Variants in GPATCH2 observed in about 807,000 individuals in gnomAD.
The protein encoded by GPATCH2 is G-patch domain containing 2.
GPATCH2 carries 51 observed loss-of-function variants against 58.0 expected under a neutral mutation model. The observed-to-expected ratio is 0.88, with a 90% confidence interval of 0.70 to 1.11. The LOEUF (loss-of-function observed/expected upper bound fraction) is 1.11, where lower values mean the gene tolerates loss of function less well. Ranked by LOEUF, GPATCH2 falls within the 50% of genes most tolerant of loss-of-function variation. GPATCH2 has a pLI of 0.00. For synonymous variants in GPATCH2, 222 were observed against 218.5 expected, an observed-to-expected ratio of 1.02 and a Z score of -0.14; for missense variants, 625 against 652.2, an observed-to-expected ratio of 0.96 and a Z score of 0.45.
chr1:217,579,435 T>C (rs992047607), intron 5 of GPATCH2, among the ~76,000 whole-genome samples: 2 of 152,012 alleles, frequency 1.3e-5, no homozygotes, highest in African/African-American at 4.8e-5. Flanking sequence ...TTTTAACTTA[T>C]TGGAAAATTC....
At chr1:217,449,159 T>C (rs145064006) in intron 9 of GPATCH2, 90 bp downstream of exon 9, 5 of 763,860 alleles carry the variant, frequency 6.5e-6, no homozygotes, top group Non-Finnish European at 1.2e-5. Flanking sequence ...TTCTTCTTCA[T>C]TGCAAGTGAT....
chr1:217,511,817 C>CTGTGTGTGTGTGTGTGTGTGTGTG (rs35836441), intron 6 of GPATCH2, among the ~76,000 whole-genome samples: 3 of 149,040 alleles, frequency 2.0e-5, no homozygotes, highest in African/African-American at 7.4e-5. Flanking sequence ...AACTGGAAGT[C>CTGTGTGTGTGTGTGTGTGTGTGTG]TGTGTGTGTG....
At chr1:217,524,688 G>A (rs886720811) in intron 5 of GPATCH2, among the ~76,000 whole-genome samples, 1 of 151,230 alleles carries the variant, frequency 6.6e-6, no homozygotes, top group Non-Finnish European at 1.5e-5. Context: ...GCGAAACCCC[G>A]TCTCCACCCA....
At chr1:217,468,264 A>G (rs1660551331) in intron 8 of GPATCH2, among the ~76,000 whole-genome samples, 1 of 152,184 alleles carries the variant, frequency 6.6e-6, no homozygotes, top group Admixed American at 6.5e-5. Context: ...TAAATCACGG[A>G]AAGAGATATA....
chr1:217,619,388 A>G (rs1377661127), intron 2 of GPATCH2, among the ~76,000 whole-genome samples: 1 of 152,208 alleles, frequency 6.6e-6, no homozygotes, highest in African/African-American at 2.4e-5. Flanking sequence ...GATGTTCAAG[A>G]ATCAGGATAG....
At chr1:217,447,871 G>A (rs768077245) in intron 9 of GPATCH2, among the ~76,000 whole-genome samples, 1 of 152,132 alleles carries the variant, frequency 6.6e-6, no homozygotes, top group Non-Finnish European at 1.5e-5. Flanking sequence ...GCCGAGGTGG[G>A]CGGATCACCT....
intron 6 of GPATCH2, among the ~76,000 whole-genome samples, chr1:217,500,217 A>C (rs143778403): frequency 0.011 from 1,682 of 151,968 alleles, 39 homozygotes; most frequent in African/African-American, 0.039. Flanking sequence ...TCTTTATTAC[A>C]TTCTTATTCT....
At chr1:217,517,328 A>C (rs1415808631) in intron 5 of GPATCH2, among the ~76,000 whole-genome samples, 2 of 152,126 alleles carry the variant, frequency 1.3e-5, no homozygotes, top group African/African-American at 2.4e-5. Context: ...TAATGAAATA[A>C]AGCAACATAT....
intron 5 of GPATCH2, among the ~76,000 whole-genome samples, chr1:217,515,701 CTGTCTCA>C (rs1663102423): frequency 6.6e-6 from 1 of 150,902 alleles, no homozygotes; most frequent in Non-Finnish European, 1.5e-5. Flanking sequence ...GAGCAAGACT[CTGTCTCA>C]AAATAATACT....
rs961294653 is a variant in GPATCH2 at position 217,499,116 on chromosome 1, C to G, written c.1167-721G>C. ...ATGCGCCCAGTCCTCTGGCATTATT[C>G]TGCATAAAAAAACTAACTGTAAACA... is the stretch of plus-strand genomic sequence containing the variant. On this transcript the variant is annotated intron_variant, in intron 6 of 9. Transcript: ENST00000366935. 1.2e-4 allele frequency among the ~76,000 whole-genome samples: 18 copies of G among 152,176 alleles called. No individual in the cohort carries two copies. In the East Asian group the frequency reaches 2.3e-3, roughly 20 times the overall value.
intron 9 of GPATCH2, among the ~76,000 whole-genome samples, chr1:217,434,262 G>C (rs903137259): frequency 3.9e-5 from 6 of 152,182 alleles, no homozygotes; most frequent in Non-Finnish European, 7.3e-5. Context: ...ATAAATATAT[G>C]TGTGAATGTG....
intron 8 of GPATCH2, among the ~76,000 whole-genome samples, chr1:217,480,852 A>G (rs1319183080): frequency 6.6e-6 from 1 of 152,238 alleles, no homozygotes; most frequent in Non-Finnish European, 1.5e-5. Flanking sequence ...ATGGAACTGG[A>G]GTTGATTATG....
At chr1:217,590,721 G>A (rs1025939866) in intron 5 of GPATCH2, among the ~76,000 whole-genome samples, 1 of 152,132 alleles carries the variant, frequency 6.6e-6, no homozygotes, top group Admixed American at 6.5e-5. Flanking sequence ...TTATCTGCCT[G>A]GCCACTAGAA....
intron 5 of GPATCH2, among the ~76,000 whole-genome samples, chr1:217,545,337 T>C (rs1353448604): frequency 6.6e-6 from 1 of 152,156 alleles, no homozygotes; most frequent in East Asian, 1.9e-4. Context: ...ACCAAGACCA[T>C]ATCTCAGACT....
intron 8 of GPATCH2, among the ~76,000 whole-genome samples, chr1:217,473,248 A>G (rs1480612250): frequency 6.6e-6 from 1 of 151,660 alleles, no homozygotes; most frequent in African/African-American, 2.4e-5. Flanking sequence ...TGTCTAAAAA[A>G]CACTTAGGTG....
chr1:217,589,078 C>T (rs1667472378), intron 5 of GPATCH2, among the ~76,000 whole-genome samples: 1 of 152,016 alleles, frequency 6.6e-6, no homozygotes, highest in Admixed American at 6.6e-5. Context: ...CCAGGTGGGG[C>T]CGATCATTTC....
intron 1 of GPATCH2, 94 bp from the exon 2 acceptor site, chr1:217,620,593 AAATT>A (rs1669138105): frequency 4.2e-6 from 3 of 711,174 alleles, no homozygotes; most frequent in Non-Finnish European, 7.1e-6. Flanking sequence ...AATTCGACAA[AAATT>A]AATGATTACA....
intron 8 of GPATCH2, among the ~76,000 whole-genome samples, chr1:217,453,910 C>G (rs1019052116): frequency 3.3e-5 from 5 of 152,160 alleles, no homozygotes; most frequent in Non-Finnish European, 7.3e-5. Context: ...CAAGCAGCCT[C>G]GGACAAGCTG....
chr1:217,481,082 C>A (rs564614055), intron 8 of GPATCH2, among the ~76,000 whole-genome samples: 1 of 152,058 alleles, frequency 6.6e-6, no homozygotes, highest in Non-Finnish European at 1.5e-5. Flanking sequence ...AAGAATAAGA[C>A]CTAGTATTTG....
Sources: gnomAD v4.1 joint callset for allele counts (sites outside exome capture counted in the v4.1 genomes callset) on GRCh38, gnomAD v4.1.1 for gene constraint, MANE v1.5 for transcripts, NCBI Gene and HGNC (gene_info 2026-07-23, HGNC 2026-07-21) for gene names.